LYPLA1: variants seen among roughly 807,000 people sequenced by gnomAD.
The protein encoded by LYPLA1 is acyl-protein thioesterase 1.
Under a neutral mutation model 34.0 loss-of-function variants are expected in LYPLA1, and 17 were observed. The ratio of observed to expected loss-of-function variants is 0.50; its 90% CI spans 0.34 to 0.75. The LOEUF (loss-of-function observed/expected upper bound fraction) is 0.75. Ranked by LOEUF, LYPLA1 falls within the 30% of genes least tolerant of loss-of-function variation. The probability of loss-of-function intolerance (pLI) is 0.01; values close to 1 mark genes in which losing one functional copy is unlikely to be tolerated. For missense variants in LYPLA1, 203 were observed against 288.8 expected, an observed-to-expected ratio of 0.70 and a Z score of 2.15; for synonymous variants, 98 against 100.8, an observed-to-expected ratio of 0.97 and a Z score of 0.17.
chr8:54,086,922 G>A (rs562262506), intron 2 of LYPLA1, among the ~76,000 whole-genome samples: 3 of 152,186 alleles, frequency 2.0e-5, no homozygotes, highest in Admixed American at 6.5e-5. Context: ...CAAATCTATC[G>A]ACATATAATT....
intron 5 of LYPLA1, among the ~76,000 whole-genome samples, chr8:54,055,833 C>T (rs1238081575): frequency 2.0e-5 from 3 of 151,814 alleles, no homozygotes; most frequent in East Asian, 1.9e-4. Flanking sequence ...TTAGTAGAGA[C>T]GAGGTTTCAC....
intron 2 of LYPLA1, among the ~76,000 whole-genome samples, chr8:54,089,493 G>C (rs749016696): frequency 9.7e-5 from 9 of 93,160 alleles, no homozygotes; most frequent in Admixed American, 2.5e-4. Context: ...AGACATCCCT[G>C]GGGGGGGGCG....
intron 5 of LYPLA1, among the ~76,000 whole-genome samples, chr8:54,059,400 G>T (rs1806439288): frequency 1.2e-5 from 1 of 81,296 alleles, no homozygotes. Flanking sequence ...CGCTTCCCGG[G>T]TTCACGCCAT....
intron 2 of LYPLA1, among the ~76,000 whole-genome samples, chr8:54,068,159 T>C (rs974174855): frequency 2.6e-5 from 4 of 152,146 alleles, no homozygotes; most frequent in African/African-American, 9.7e-5. Context: ...TGTGTATATG[T>C]GTAAATAGCT....
chr8:54,073,835 T>C (rs1807680421), intron 2 of LYPLA1, among the ~76,000 whole-genome samples: 1 of 152,232 alleles, frequency 6.6e-6, no homozygotes, highest in Non-Finnish European at 1.5e-5. Context: ...TGTTTCTTGA[T>C]ACATGTAATT....
rs1806205096 is a variant in LYPLA1 at position 54,056,362 on chromosome 8, A to C, written c.287-1229T>G. Among the ~76,000 whole-genome samples, 4 of 152,300 alleles carry C rather than the reference A, an allele frequency of 2.6e-5. No individual in the cohort carries two copies. The South Asian group carries it at 8.3e-4, about 32-fold the overall frequency. On this transcript the variant is annotated intron_variant, in intron 5 of 8. Coordinates refer to ENST00000316963, the MANE Select transcript of LYPLA1 (RefSeq NM_006330.4). The stretch of plus-strand genomic sequence containing the variant: ...ACTACTACGAGAAAAAATTGGGGAA[A>C]ATCTCCAGGACATTGGTCTGGGCAA...
At chr8:54,097,828 T>C (rs1408011283) in intron 2 of LYPLA1, among the ~76,000 whole-genome samples, 1 of 152,180 alleles carries the variant, frequency 6.6e-6, no homozygotes, top group Non-Finnish European at 1.5e-5. Flanking sequence ...AAATTAGACA[T>C]AGGAAGAGAT....
intron 2 of LYPLA1, among the ~76,000 whole-genome samples, chr8:54,089,505 G>GGGA (rs1809061297): frequency 1.5e-5 from 2 of 136,364 alleles, no homozygotes; most frequent in Admixed American, 1.4e-4. Context: ...GGGGGGGCGG[G>GGGA]ATCTTTGAAC....
At chr8:54,043,514 T>C (rs1378454790), downstream of LYPLA1, among the ~76,000 whole-genome samples, 1 of 151,944 alleles carries the variant, frequency 6.6e-6, no homozygotes, top group African/African-American at 2.4e-5. Flanking sequence ...GATCTCATGA[T>C]CCACCTGCCT....
chr8:54,078,424 C>G (rs1001313852), intron 2 of LYPLA1, among the ~76,000 whole-genome samples: 7 of 152,176 alleles, frequency 4.6e-5, no homozygotes, highest in African/African-American at 1.7e-4. Context: ...CTCTACCCAC[C>G]AGACTCAACT....
At chr8:54,071,741 C>T in intron 2 of LYPLA1, among the ~76,000 whole-genome samples, 1 of 152,130 alleles carries the variant, frequency 6.6e-6, no homozygotes, top group East Asian at 1.9e-4. Flanking sequence ...AGAGATGACA[C>T]AAACAAGTGG....
chr8:54,090,169 G>C (rs1046150839), intron 2 of LYPLA1, among the ~76,000 whole-genome samples: 16 of 152,202 alleles, frequency 1.1e-4, no homozygotes, highest in African/African-American at 3.9e-4. Context: ...GGGGGCGCCT[G>C]TCCACATGGA....
At chr8:54,088,729 T>A (rs1477806473) in intron 2 of LYPLA1, among the ~76,000 whole-genome samples, 1 of 152,362 alleles carries the variant, frequency 6.6e-6, no homozygotes, top group Non-Finnish European at 1.5e-5. Context: ...CATTAATTGA[T>A]GAATGAATTA....
At position 54,065,759 on chromosome 8, in the gene LYPLA1, G is replaced by A; in HGVS notation, c.156C>T (p.Ile52=). Residue 52 remains isoleucine (I), a synonymous_variant, in exon 3 of 9, where the codon ATC becomes ATT. Coordinates refer to ENST00000316963, the MANE Select transcript of LYPLA1 (RefSeq NM_006330.4). ...TCAGAAATACTCACGCATGCGGGCA[G>A]ATATATTTGATATGTGAACTTCTGA... The part of the protein sequence containing the change: ...AGIRSSHIKY[I]CPHAPVRPVT... 1 of 1,613,722 alleles carries A rather than the reference G, an allele frequency of 6.2e-7. No individual in the cohort carries two copies. Among genetic ancestry groups the A allele is most frequent in the Non-Finnish European group, 8.5e-7 (1 of 1,179,748 alleles).
intron 2 of LYPLA1, among the ~76,000 whole-genome samples, chr8:54,071,343 G>C (rs373607331): frequency 6.6e-6 from 1 of 152,200 alleles, no homozygotes. Context: ...TCCTAATTTG[G>C]AGTGTTGTAT....
At chr8:54,089,806 G>C (rs1809086039) in intron 2 of LYPLA1, among the ~76,000 whole-genome samples, 1 of 152,070 alleles carries the variant, frequency 6.6e-6, no homozygotes, top group Non-Finnish European at 1.5e-5. Context: ...TGTATTCTTT[G>C]TAGAAGGTGG....
In LYPLA1 at chr8:54,063,364, G is replaced by A; in HGVS notation, c.179C>T (p.Pro60Leu). Residue 60 changes from proline to leucine, a missense_variant, in exon 4 of 9, where the codon CCT becomes CTT. Physicochemically the swap from Pro to Leu is moderately conservative, Grantham distance 98. This residue lies in a region of LYPLA1 where 75 missense variants were observed against 73.5 expected (regional missense o/e 1.02). Transcript: ENST00000316963. ...AGCCACGTTCATATTTAATGTAACA[G>A]GCCTAACAGGCCTACATGGAAAAGA... Reference protein sequence around the residue: ...KYICPHAPVRPVTLNMNVAMP... With the variant: ...KYICPHAPVRLVTLNMNVAMP... The A allele has an allele frequency of 6.5e-7, 1 of 1,534,574 alleles. No homozygotes were observed. Among genetic ancestry groups the A allele is most frequent in the Non-Finnish European group, 8.8e-7 (1 of 1,138,438 alleles).
chr8:54,069,465 G>A (rs1807309282), intron 2 of LYPLA1, among the ~76,000 whole-genome samples: 1 of 152,138 alleles, frequency 6.6e-6, no homozygotes, highest in South Asian at 2.1e-4. Flanking sequence ...TGTAATCCCA[G>A]CACTTTGGGA....
intron 2 of LYPLA1, among the ~76,000 whole-genome samples, chr8:54,070,961 A>C (rs370730869): frequency 7.2e-5 from 11 of 152,284 alleles, no homozygotes; most frequent in African/African-American, 2.4e-4. Context: ...ATACATCTAA[A>C]ACCATCAAAT....
Sources: allele counts gnomAD v4.1 joint callset (sites outside exome capture counted in the v4.1 genomes callset), GRCh38; gene constraint gnomAD v4.1.1; regional missense constraint gnomAD v4.1.1; transcripts MANE v1.5; gene names NCBI Gene and HGNC (gene_info 2026-07-23, HGNC 2026-07-21).